The following PTPRD variants were observed in gnomAD, a reference collection of about 807,000 sequenced individuals.
PTPRD encodes the protein protein tyrosine phosphatase receptor type D, also known as receptor-type tyrosine-protein phosphatase delta.
In PTPRD, 34 loss-of-function variants were observed where a neutral mutation model predicts 214.5. The ratio of observed to expected loss-of-function variants is 0.16; its 90% CI spans 0.12 to 0.21. The LOEUF is 0.21. Among genes scored for constraint, PTPRD ranks in the 10% least tolerant of loss-of-function variants. The probability of loss-of-function intolerance (pLI) is 1.00; values close to 1 mark genes in which losing one functional copy is unlikely to be tolerated. For synonymous variants in PTPRD, 1,128 were observed against 845.7 expected, an observed-to-expected ratio of 1.33 and a Z score of -5.79; for missense variants, 2,545 against 2,398.7, an observed-to-expected ratio of 1.06 and a Z score of -1.27.
Position 8,319,838 on chromosome 9 carries a change from T to C in PTPRD, c.5663A>G (p.Gln1888Arg), listed in dbSNP as rs1825602152. ...TGCAATGGATTTTCTCACCTCTGTC[T>C]GTACCATAGCTGGTCGTTGTGTTCT... ...MLRTQRPAMV[Q>R]TEDQYQFSYR... The change falls in exon 45 of 46, where the codon CAG becomes CGG. Residue 1888 changes from glutamine (Q) to arginine (R), a missense_variant. Gln to Arg is a conservative substitution (Grantham distance 43). Coordinates refer to ENST00000381196, the MANE Select transcript of PTPRD (RefSeq NM_002839.4). The C allele has an allele frequency of 3.1e-6, 5 of 1,612,742 alleles. No homozygotes were observed. Among genetic ancestry groups the C allele is most frequent in the South Asian group, 2.2e-5 (2 of 91,014 alleles).
At chr9:10,400,762 GATATT>G (rs2098256506) in intron 2 of PTPRD, among the ~76,000 whole-genome samples, 1 of 151,338 alleles carries the variant, frequency 6.6e-6, no homozygotes, top group Non-Finnish European at 1.5e-5. Context: ...AGTTTTTACT[GATATT>G]ATATTTTAAA....
intron 7 of PTPRD, among the ~76,000 whole-genome samples, chr9:9,674,227 G>A (rs1235519544): frequency 6.6e-6 from 1 of 151,690 alleles, no homozygotes; most frequent in Non-Finnish European, 1.5e-5. Flanking sequence ...GCATTGTTCA[G>A]GTATTTTAGG....
At chr9:10,567,585 A>G (rs1444753484) in intron 2 of PTPRD, among the ~76,000 whole-genome samples, 1 of 152,032 alleles carries the variant, frequency 6.6e-6, no homozygotes, top group Non-Finnish European at 1.5e-5. Flanking sequence ...GATATCCATG[A>G]GTTGGTCTCT....
At chr9:8,973,536 G>A (rs1256417333) in intron 11 of PTPRD, among the ~76,000 whole-genome samples, 1 of 152,070 alleles carries the variant, frequency 6.6e-6, no homozygotes, top group Non-Finnish European at 1.5e-5. Flanking sequence ...ATGAGTGCAT[G>A]TGTCTTTTTA....
At chr9:9,882,833 G>C (rs951138855) in intron 5 of PTPRD, among the ~76,000 whole-genome samples, 2 of 152,080 alleles carry the variant, frequency 1.3e-5, no homozygotes, top group African/African-American at 4.8e-5. Context: ...GGGCCTAATG[G>C]GAAGTGTTTC....
At chr9:10,249,074 A>G (rs1432658821) in intron 3 of PTPRD, among the ~76,000 whole-genome samples, 1 of 152,114 alleles carries the variant, frequency 6.6e-6, no homozygotes, top group Non-Finnish European at 1.5e-5. Context: ...CAGATCTTAT[A>G]TATCTTAAGT....
rs1005361718 is a variant in PTPRD at position 8,706,290 on chromosome 9, C to T, written c.64+27490G>A. ...TTTTCAGGGAGGTTTGATATTTATC[C>T]CAAGGTAAAACAACTTCTTACCGCT... On this transcript the variant is annotated intron_variant, in intron 12 of 45. Transcript: ENST00000381196. Among the ~76,000 whole-genome samples the T allele has an allele frequency of 4.7e-4, 72 of 152,036 alleles. 1 individual carries two copies. The highest frequency in any genetic ancestry group is 1.3e-4 in the Non-Finnish European group (9 of 68,016).
At chr9:10,156,131 TC>T (rs2099091830) in intron 3 of PTPRD, among the ~76,000 whole-genome samples, 1 of 150,202 alleles carries the variant, frequency 6.7e-6, no homozygotes, top group African/African-American at 2.4e-5. Flanking sequence ...TGTGCCTGTC[TC>T]CTTTGGTTCA....
At chr9:8,929,427 T>A (rs1187611287) in intron 11 of PTPRD, among the ~76,000 whole-genome samples, 1 of 152,074 alleles carries the variant, frequency 6.6e-6, no homozygotes, top group African/African-American at 2.4e-5. Flanking sequence ...AAAGGCCTTT[T>A]CTGCATCTAT....
chr9:10,437,177 T>A (rs1022482827), intron 2 of PTPRD, among the ~76,000 whole-genome samples: 5 of 151,816 alleles, frequency 3.3e-5, no homozygotes, highest in Non-Finnish European at 5.9e-5. Context: ...CATGAGACTA[T>A]ATGAAATTTG....
At chr9:10,412,662 ACACC>A (rs1235977526) in intron 2 of PTPRD, among the ~76,000 whole-genome samples, 2,739 of 113,560 alleles carry the variant, frequency 0.024, 79 homozygotes, top group African/African-American at 0.082. Flanking sequence ...ACACACACAC[ACACC>A]CCTTGAAGCC....
chr9:10,525,647 A>T (rs1013513805), intron 2 of PTPRD, among the ~76,000 whole-genome samples: 1 of 152,080 alleles, frequency 6.6e-6, no homozygotes, highest in Non-Finnish European at 1.5e-5. Context: ...AATTATGAAT[A>T]AAAATATTCT....
intron 14 of PTPRD, among the ~76,000 whole-genome samples, chr9:8,534,962 T>C (rs754830091): frequency 4.6e-5 from 7 of 151,958 alleles, no homozygotes; most frequent in Non-Finnish European, 8.8e-5. Context: ...CAAATATTTA[T>C]TGAAGGCCTC....
At chr9:9,427,910 A>G (rs1368689446) in intron 8 of PTPRD, among the ~76,000 whole-genome samples, 1 of 152,214 alleles carries the variant, frequency 6.6e-6, no homozygotes, top group African/African-American at 2.4e-5. Flanking sequence ...CTCCTGAAAG[A>G]AGCACTAAAC....
chr9:10,455,781 C>G (rs1375654028), intron 2 of PTPRD, among the ~76,000 whole-genome samples: 1 of 151,562 alleles, frequency 6.6e-6, no homozygotes, highest in Non-Finnish European at 1.5e-5. Flanking sequence ...GATCTTTCTT[C>G]ATCATTTATT....
chr9:10,323,385 C>T (rs537365893), intron 3 of PTPRD, among the ~76,000 whole-genome samples: 12 of 150,134 alleles, frequency 8.0e-5, no homozygotes, highest in South Asian at 2.1e-4. Context: ...ATCTCAGCCT[C>T]CTGGGCTCTA....
intron 12 of PTPRD, among the ~76,000 whole-genome samples, chr9:8,672,253 G>T (rs1235678742): frequency 6.6e-6 from 1 of 152,068 alleles, no homozygotes; most frequent in Non-Finnish European, 1.5e-5. Flanking sequence ...TATTAGTACA[G>T]AAGCTCTCTA....
At chr9:10,006,017 CAT>C (rs1248765712) in intron 4 of PTPRD, among the ~76,000 whole-genome samples, 1 of 151,902 alleles carries the variant, frequency 6.6e-6, no homozygotes, top group Non-Finnish European at 1.5e-5. Context: ...CAATTATAAA[CAT>C]ATACACATAT....
chr9:8,604,488 T>A (rs1237889435), intron 14 of PTPRD, among the ~76,000 whole-genome samples: 1 of 152,092 alleles, frequency 6.6e-6, no homozygotes, highest in Non-Finnish European at 1.5e-5. Flanking sequence ...TTACATCAGA[T>A]AAGGGTAAGT....
Sources: allele counts gnomAD v4.1 joint callset (sites outside exome capture counted in the v4.1 genomes callset), GRCh38; gene constraint gnomAD v4.1.1; transcripts MANE v1.5; gene names NCBI Gene and HGNC (gene_info 2026-07-23, HGNC 2026-07-21).